Variants in ELP4 observed in about 807,000 individuals in gnomAD.
ELP4 encodes elongator acetyltransferase complex subunit 4.
In ELP4, 51 loss-of-function variants were observed where a neutral mutation model predicts 48.9. That is an observed-to-expected ratio of 1.04 (90% CI 0.83 to 1.32). The LOEUF (loss-of-function observed/expected upper bound fraction) is 1.32, where lower values mean the gene tolerates loss of function less well. ELP4 is among the 40% of genes most tolerant of loss of function. The pLI, the probability that ELP4 is intolerant of heterozygous loss-of-function variation, is 0.00. For missense variants in ELP4, 519 were observed against 514.6 expected (o/e 1.01, Z -0.08); for synonymous variants, 210 against 189.2 (o/e 1.11, Z -0.90).
chr11:31,589,544 A>C (rs1709205455), intron 3 of ELP4, among the ~76,000 whole-genome samples: 2 of 152,210 alleles, frequency 1.3e-5, no homozygotes, highest in South Asian at 4.1e-4. Flanking sequence ...AAATTACAGA[A>C]CCTTGGATTC....
chr11:31,715,100 G>C (rs1051354469), intron 9 of ELP4: 2 of 300,486 alleles, frequency 6.7e-6, no homozygotes, highest in Admixed American at 5.0e-5. Flanking sequence ...CGTTGGCTCA[G>C]ATGGCAACTC....
At chr11:31,773,612 C>G (rs572699759) in intron 9 of ELP4, among the ~76,000 whole-genome samples, 46 of 152,322 alleles carry the variant, frequency 3.0e-4, no homozygotes, top group Non-Finnish European at 5.7e-4. Context: ...CTCTCAACTC[C>G]CATGAAGCTG....
chr11:31,741,336 A>G (rs1011513009), intron 9 of ELP4, among the ~76,000 whole-genome samples: 39 of 152,204 alleles, frequency 2.6e-4, no homozygotes, highest in African/African-American at 8.2e-4. Context: ...ACAGACAAAC[A>G]AAAAGACAGC....
intron 3 of ELP4, among the ~76,000 whole-genome samples, chr11:31,569,397 A>G (rs1385839067): frequency 1.3e-5 from 2 of 152,176 alleles, no homozygotes; most frequent in Non-Finnish European, 2.9e-5. Flanking sequence ...TAAATCAACA[A>G]GTAGAAAACA....
chr11:31,752,037 A>G (rs1947732604), intron 9 of ELP4, among the ~76,000 whole-genome samples: 2 of 152,240 alleles, frequency 1.3e-5, no homozygotes, highest in African/African-American at 4.8e-5. Flanking sequence ...AAGTAGTATT[A>G]TCAAAACTAG....
At chr11:31,572,626 T>C (rs1377845330) in intron 3 of ELP4, among the ~76,000 whole-genome samples, 1 of 152,226 alleles carries the variant, frequency 6.6e-6, no homozygotes, top group Non-Finnish European at 1.5e-5. Flanking sequence ...CTATCTAAGA[T>C]GTTACCAGTT....
chr11:31,563,753 T>A (rs996210124), intron 3 of ELP4, among the ~76,000 whole-genome samples: 1 of 152,160 alleles, frequency 6.6e-6, no homozygotes, highest in Non-Finnish European at 1.5e-5. Context: ...TTTTATTTAT[T>A]CATGACCCTT....
intron 3 of ELP4, among the ~76,000 whole-genome samples, chr11:31,543,561 T>G (rs1282946607): frequency 1.3e-5 from 2 of 152,156 alleles, no homozygotes; most frequent in Non-Finnish European, 2.9e-5. Flanking sequence ...CCTCATGATC[T>G]GCCCACCTCG....
In ELP4 at chr11:31,649,025, G is replaced by A. The variant is rs1264202846; in HGVS notation, c.1037-1090G>A. ...ATATTTTACTAAATAGTATGTATGA[G>A]ATAGTCTTAATTTGTAGCCAAAAGC... On this transcript the variant is annotated intron_variant, in intron 8 of 9. Transcript: ENST00000640961. 8 of 151,652 alleles carry A rather than the reference G, an allele frequency of 5.3e-5. No individual in the cohort carries two copies. In the South Asian group the frequency reaches 8.3e-4, roughly 16 times the overall value. 9.4% of individuals were successfully genotyped at this position (151,652 alleles called of 1,614,324 possible). A position where few individuals can be genotyped will look rare whatever the true frequency, so the allele number is the denominator to read the frequency against.
intron 4 of ELP4, among the ~76,000 whole-genome samples, chr11:31,603,135 G>A (rs1210797681): frequency 6.6e-6 from 1 of 151,758 alleles, no homozygotes; most frequent in Non-Finnish European, 1.5e-5. Flanking sequence ...ATTATGCCAG[G>A]TTCTGATTGA....
At chr11:31,752,833 CAAAAA>C (rs35352597) in intron 9 of ELP4, among the ~76,000 whole-genome samples, 4 of 92,756 alleles carry the variant, frequency 4.3e-5, no homozygotes, top group Non-Finnish European at 9.9e-5. Flanking sequence ...GACTCCATCT[CAAAAA>C]AAAAAAAAAA....
chr11:31,555,372 G>A (rs1415962387), intron 3 of ELP4, among the ~76,000 whole-genome samples: 2 of 151,820 alleles, frequency 1.3e-5, no homozygotes, highest in Non-Finnish European at 2.9e-5. Context: ...AAATATATCT[G>A]GTTTTGGACT....
chr11:31,678,513 G>A lies in ELP4; in HGVS notation c.1143+28292G>A, dbSNP rs933222424. 6.0e-4 allele frequency among the ~76,000 whole-genome samples: 79 copies of A among 130,684 alleles called. 1 individual carries two copies. The highest frequency in any genetic ancestry group is 2.5e-3 in the South Asian group (10 of 3,986). 85.7% of individuals were successfully genotyped at this position (130,684 alleles called of 152,430 possible). A position where few individuals can be genotyped will look rare whatever the true frequency, so the allele number is the denominator to read the frequency against. On this transcript the variant is annotated intron_variant, in intron 9 of 9. Coordinates refer to ENST00000640961, the MANE Select transcript of ELP4 (RefSeq NM_019040.5). ...TATATGTATGTGTGTGTGTGTGTGT[G>A]TGTGTGTGTGTGTGTGTGTGTGTGT...
At chr11:31,652,696 TAA>T (rs1945346917) in intron 9 of ELP4, 1 of 151,750 alleles carries the variant, frequency 6.6e-6, no homozygotes, top group Non-Finnish European at 1.5e-5. Context: ...CTTTCAGAAG[TAA>T]AAGAGTTGAA....
intron 5 of ELP4, among the ~76,000 whole-genome samples, chr11:31,609,471 G>C (rs1041521417): frequency 3.5e-4 from 53 of 151,994 alleles, no homozygotes; most frequent in Non-Finnish European, 1.5e-4. Flanking sequence ...TATATTTTTG[G>C]AGGGCCTCTG....
At chr11:31,587,738 G>A (rs1048443486) in intron 3 of ELP4, among the ~76,000 whole-genome samples, 2 of 152,000 alleles carry the variant, frequency 1.3e-5, no homozygotes, top group Non-Finnish European at 2.9e-5. Context: ...AACTGGAAAT[G>A]TTGCTTACTT....
At chr11:31,553,764 A>ACACACACACACACACC (rs1491538602) in intron 3 of ELP4, among the ~76,000 whole-genome samples, 1 of 141,962 alleles carries the variant, frequency 7.0e-6, no homozygotes, top group African/African-American at 2.6e-5. Flanking sequence ...ACACACACAC[A>ACACACACACACACACC]CCCTATTGGT....
chr11:31,595,035 C>A, intron 4 of ELP4, 134 bp downstream of exon 4: 4 of 668,636 alleles, frequency 6.0e-6, no homozygotes, highest in Non-Finnish European at 9.0e-6. Flanking sequence ...AGTATTTGGT[C>A]AAGATGATCT....
intron 3 of ELP4, among the ~76,000 whole-genome samples, chr11:31,545,897 G>A (rs1304245960): frequency 6.6e-6 from 1 of 152,018 alleles, no homozygotes; most frequent in Non-Finnish European, 1.5e-5. Flanking sequence ...CTTCATAAGT[G>A]AAGGAGAAAT....
Sources: gnomAD v4.1 joint callset for allele counts (sites outside exome capture counted in the v4.1 genomes callset) on GRCh38, gnomAD v4.1.1 for gene constraint, MANE v1.5 for transcripts, NCBI Gene and HGNC (gene_info 2026-07-23, HGNC 2026-07-21) for gene names.